NDST4: variants seen among roughly 807,000 people sequenced by gnomAD.
NDST4 encodes N-deacetylase and N-sulfotransferase 4, also known as N-heparan sulfate sulfotransferase 4.
Under a neutral mutation model 100.8 loss-of-function variants are expected in NDST4, and 63 were observed. The observed-to-expected ratio is 0.62, with a 90% CI of 0.51 to 0.77. The LOEUF (loss-of-function observed/expected upper bound fraction) is 0.77. NDST4 is among the 30% of genes least tolerant of loss of function. The probability of loss-of-function intolerance (pLI) is 0.00; values close to 1 mark genes in which losing one functional copy is unlikely to be tolerated. For missense variants in NDST4, 943 were observed against 1,018.4 expected (o/e 0.93, Z 1.01); for synonymous variants, 377 against 361.8 (o/e 1.04, Z -0.48).
intron 1 of NDST4, among the ~76,000 whole-genome samples, chr4:115,109,581 CAA>C: frequency 6.6e-6 from 1 of 151,998 alleles, no homozygotes; most frequent in African/African-American, 2.4e-5. Context: ...TGTTTCTCAA[CAA>C]AAGTCTCGCT....
At chr4:114,919,749 T>G (rs1725249259) in intron 6 of NDST4, among the ~76,000 whole-genome samples, 1 of 152,190 alleles carries the variant, frequency 6.6e-6, no homozygotes, top group Admixed American at 6.5e-5. Flanking sequence ...ATATTTTAAC[T>G]GCTCTAGGGA....
In NDST4 at chr4:115,008,597, A is replaced by C. The variant is rs527688468; in HGVS notation, c.979-31323T>G. Among the ~76,000 whole-genome samples the C allele has an allele frequency of 2.3e-5, 3 of 128,898 alleles. 1 individual carries two copies. The South Asian group carries it at 9.0e-4, about 39-fold the overall frequency. 84.6% of individuals were successfully genotyped at this position (128,898 alleles called of 152,430 possible). A position where few individuals can be genotyped will look rare whatever the true frequency, so the allele number is the denominator to read the frequency against. ...CCAATATCATACTGAATGGGCAAAA[A>C]CTGGACGCATTCCCTTTGAATGGCA... On this transcript the variant is annotated intron_variant, in intron 2 of 13. Coordinates refer to ENST00000264363, the MANE Select transcript of NDST4 (RefSeq NM_022569.3).
intron 4 of NDST4, among the ~76,000 whole-genome samples, chr4:114,964,493 A>G (rs532076716): frequency 4.1e-4 from 63 of 152,354 alleles, no homozygotes; most frequent in African/African-American, 1.5e-3. Context: ...TAATGCACTC[A>G]ATTACTGAAG....
At position 114,848,238 on chromosome 4, in the gene NDST4, G is replaced by A; in HGVS notation, c.1917C>T (p.Asn639=). The change falls in exon 9 of 14, where the codon AAC becomes AAT. Residue 639 remains asparagine, a synonymous_variant. Coordinates refer to ENST00000264363, the MANE Select transcript of NDST4 (RefSeq NM_022569.3). The part of the protein sequence containing the change: ...TFEEVQFFNG[N]NYHKGIDWYM... The stretch of plus-strand genomic sequence containing the variant: ...ACCAGTCTATTCCTTTGTGATAGTT[G>A]TTGCCATTAAAGAACTGAACTTCCT... 6.2e-7 allele frequency: 1 copy of A among 1,608,848 alleles called. No individual in the cohort carries two copies. Among genetic ancestry groups the A allele is most frequent in the Non-Finnish European group, 8.5e-7 (1 of 1,178,316 alleles).
intron 6 of NDST4, among the ~76,000 whole-genome samples, chr4:114,911,948 G>A (rs1318679728): frequency 1.3e-5 from 2 of 152,154 alleles, no homozygotes; most frequent in Non-Finnish European, 2.9e-5. Flanking sequence ...GAAAGCAGCT[G>A]AGAGGGGGAA....
chr4:115,100,783 G>C (rs1373234336), intron 1 of NDST4, among the ~76,000 whole-genome samples: 13 of 145,226 alleles, frequency 9.0e-5, no homozygotes, highest in East Asian at 6.2e-4. Flanking sequence ...ACAATACCTC[G>C]TTTCTGACAA....
At chr4:114,896,238 G>A (rs75307415) in intron 6 of NDST4, among the ~76,000 whole-genome samples, 2 of 151,994 alleles carry the variant, frequency 1.3e-5, no homozygotes, top group Admixed American at 6.6e-5. Flanking sequence ...GCTGAAAAAA[G>A]CACATTGATT....
intron 2 of NDST4, among the ~76,000 whole-genome samples, chr4:114,986,793 CATAT>C (rs59806494): frequency 0.016 from 1,426 of 91,046 alleles, 50 homozygotes; most frequent in African/African-American, 0.054. Context: ...TCCAATTATA[CATAT>C]ATATATATAT....
At chr4:115,034,186 A>C (rs545438067) in intron 2 of NDST4, among the ~76,000 whole-genome samples, 10 of 152,130 alleles carry the variant, frequency 6.6e-5, no homozygotes, top group Non-Finnish European at 1.3e-4. Context: ...GCTCAAAAAA[A>C]TATTCAAACA....
At chr4:115,070,002 A>G (rs570511602) in intron 2 of NDST4, among the ~76,000 whole-genome samples, 1 of 152,334 alleles carries the variant, frequency 6.6e-6, no homozygotes, top group South Asian at 2.1e-4. Context: ...CCACTGGGGA[A>G]GACAGTGTGG....
chr4:114,944,894 G>A (rs937560560), intron 4 of NDST4, among the ~76,000 whole-genome samples: 8 of 152,070 alleles, frequency 5.3e-5, no homozygotes, highest in South Asian at 4.1e-4. Flanking sequence ...TTCAGGAGAC[G>A]CGCCACACCA....
intron 6 of NDST4, among the ~76,000 whole-genome samples, chr4:114,934,191 G>T (rs1338482958): frequency 1.3e-5 from 2 of 152,074 alleles, no homozygotes; most frequent in Non-Finnish European, 2.9e-5. Flanking sequence ...AGGAAATCTT[G>T]TCATTTGTGA....
At chr4:115,065,130 A>G (rs1044410358) in intron 2 of NDST4, among the ~76,000 whole-genome samples, 1 of 151,946 alleles carries the variant, frequency 6.6e-6, no homozygotes, top group Non-Finnish European at 1.5e-5. Flanking sequence ...TGTCAATTCT[A>G]CTTCTGCGAG....
intron 6 of NDST4, among the ~76,000 whole-genome samples, chr4:114,901,549 G>A (rs908637104): frequency 1.3e-5 from 2 of 151,756 alleles, no homozygotes; most frequent in Admixed American, 1.3e-4. Context: ...TCTTGTAGAC[G>A]ACATATAGTT....
chr4:115,034,525 T>C (rs187762252), intron 2 of NDST4, among the ~76,000 whole-genome samples: 181 of 152,200 alleles, frequency 1.2e-3, no homozygotes, highest in African/African-American at 4.2e-3. Flanking sequence ...TGAGTCACAT[T>C]TGAAGTGCCT....
intron 6 of NDST4, among the ~76,000 whole-genome samples, chr4:114,907,603 C>CT (rs1724978967): frequency 6.6e-6 from 1 of 152,072 alleles, no homozygotes; most frequent in African/African-American, 2.4e-5. Context: ...AAGCTGCTTG[C>CT]TATCTAAACA....
intron 7 of NDST4, among the ~76,000 whole-genome samples, chr4:114,863,108 T>A (rs57739307): frequency 0.023 from 3,464 of 152,268 alleles, 122 homozygotes; most frequent in African/African-American, 0.078. Context: ...GTTCAGACTT[T>A]TCCTACTCTG....
chr4:115,054,633 A>G (rs1236539391), intron 2 of NDST4, among the ~76,000 whole-genome samples: 1 of 152,190 alleles, frequency 6.6e-6, no homozygotes, highest in African/African-American at 2.4e-5. Context: ...AAATGCTAAT[A>G]TTTTCTTCTG....
intron 4 of NDST4, among the ~76,000 whole-genome samples, chr4:114,959,524 G>T (rs1266286436): frequency 1.3e-5 from 2 of 152,148 alleles, no homozygotes; most frequent in Non-Finnish European, 2.9e-5. Context: ...CTTATTCACT[G>T]TCTGGAGAAC....
Sources: allele counts gnomAD v4.1 joint callset (sites outside exome capture counted in the v4.1 genomes callset), GRCh38; gene constraint gnomAD v4.1.1; transcripts MANE v1.5; gene names NCBI Gene and HGNC (gene_info 2026-07-23, HGNC 2026-07-21).